Variants in AGL observed in about 807,000 individuals in gnomAD.
AGL encodes glycogen debranching enzyme.
A neutral mutation model predicts 199.3 loss-of-function variants in AGL; 128 were observed. The observed-to-expected ratio is 0.64, with a 90% confidence interval of 0.56 to 0.74. The LOEUF is 0.74. Ranked by LOEUF, AGL falls within the 30% of genes least tolerant of loss-of-function variation. The pLI, the probability that AGL is intolerant of heterozygous loss-of-function variation, is 0.00. For synonymous variants in AGL, 584 were observed against 594.7 expected, an observed-to-expected ratio of 0.98 and a Z score of 0.26; for missense variants, 1,809 against 1,820.8, an observed-to-expected ratio of 0.99 and a Z score of 0.12.
chr1:99,855,672 G>C (rs886327096), intron 2 of AGL, among the ~76,000 whole-genome samples: 3 of 152,022 alleles, frequency 2.0e-5, no homozygotes, highest in African/African-American at 7.2e-5. Flanking sequence ...GTGGTGACAT[G>C]CACCTGTAGT....
chr1:99,912,655 T>C lies in AGL; in HGVS notation c.3949+138T>C, dbSNP rs545391895. 22 of 714,792 alleles carry C rather than the reference T, an allele frequency of 3.1e-5. No homozygotes were observed. In the East Asian group the frequency reaches 5.4e-4, roughly 18 times the overall value. The allele number at this position is 714,792 out of a possible 1,614,324, so 44.3% of individuals were successfully genotyped here. A position where few individuals can be genotyped will look rare whatever the true frequency, so the allele number is the denominator to read the frequency against. Reference sequence around the variant, plus strand: ...GAAGAAAGAAAATTCATTAATTTACTAGTGTGAAAATTGTAACAATTCTAG... The same window carrying C: ...GAAGAAAGAAAATTCATTAATTTACCAGTGTGAAAATTGTAACAATTCTAG... On this transcript the variant is annotated intron_variant, in intron 29 of 33. Transcript: ENST00000361915.
At chr1:99,917,160 C>T (rs1655186021) in intron 33 of AGL, among the ~76,000 whole-genome samples, 1 of 152,122 alleles carries the variant, frequency 6.6e-6, no homozygotes, top group African/African-American at 2.4e-5. Context: ...GTTCAAAAAA[C>T]ATTTTTCACT....
Position 99,891,357 on chromosome 1 carries a change from G to GT in AGL, c.2949+2dup, listed in dbSNP as rs1553188589. 1 of 1,613,448 alleles carries GT rather than the reference G, an allele frequency of 6.2e-7. No individual in the cohort carries two copies. The highest frequency in any genetic ancestry group is 8.5e-7 in the Non-Finnish European group (1 of 1,179,626). ...TTCACGATCAGGAACTATTGCTGAA[G>GT]TAAGTAGAGCTATATTATCGTCCCA... On this transcript the variant is annotated splice_donor_variant, in intron 22 of 33. Coordinates refer to ENST00000361915, the MANE Select transcript of AGL (RefSeq NM_000642.3). LOFTEE classifies it high-confidence loss of function.
In AGL at chr1:99,900,890, G is replaced by GT. The variant is rs35956186; in HGVS notation, c.3588+44dup. The GT allele has an allele frequency of 0.094, 120,235 of 1,278,652 alleles. 355 individuals carry two copies. Among genetic ancestry groups the GT allele is most frequent in the South Asian group, 0.13 (9,469 of 73,688 alleles). The allele number at this position is 1,278,652 out of a possible 1,614,324, so 79.2% of individuals were successfully genotyped here. A position where few individuals can be genotyped will look rare whatever the true frequency, so the allele number is the denominator to read the frequency against. On this transcript the variant is annotated intron_variant, in intron 26 of 33. Transcript: ENST00000361915. ...AAGATATTTCTTAAAATGTTTTTTT[G>GT]TTTTTTTTTTTTTTTCTGAAAAATG...
intron 12 of AGL, among the ~76,000 whole-genome samples, chr1:99,878,434 ATTAT>A (rs1310173640): frequency 1.3e-5 from 2 of 152,072 alleles, no homozygotes; most frequent in African/African-American, 2.4e-5. Context: ...TTTAATTTTT[ATTAT>A]TTATAAAAAT....
intron 7 of AGL, among the ~76,000 whole-genome samples, chr1:99,872,457 A>G (rs1651098767): frequency 6.6e-6 from 1 of 152,216 alleles, no homozygotes; most frequent in Non-Finnish European, 1.5e-5. Flanking sequence ...ACTTAATATT[A>G]TCACTAACAT....
intron 7 of AGL, 28 bp downstream of exon 7, chr1:99,870,897 A>C: frequency 7.4e-7 from 1 of 1,342,676 alleles, no homozygotes; most frequent in African/African-American, 1.5e-5. Context: ...GAATGTTCCT[A>C]TCGATTTTAA....
chr1:99,878,807 G>A (rs1238850801), intron 12 of AGL, among the ~76,000 whole-genome samples: 2 of 152,074 alleles, frequency 1.3e-5, no homozygotes, highest in African/African-American at 4.8e-5. Context: ...TAGTTAAGCT[G>A]GTAGAACATT....
At chr1:99,888,880 A>G (rs1056283913) in intron 21 of AGL, among the ~76,000 whole-genome samples, 2 of 152,148 alleles carry the variant, frequency 1.3e-5, no homozygotes, top group African/African-American at 4.8e-5. Flanking sequence ...ATTGCTTTTT[A>G]CAGTAATTTC....
intron 15 of AGL, 48 bp from the exon 16 acceptor site, chr1:99,881,244 A>AT (rs1291306591): frequency 6.2e-7 from 1 of 1,613,572 alleles, no homozygotes; most frequent in Non-Finnish European, 8.5e-7. Flanking sequence ...ATTAAAAAAA[A>AT]TTCATTGTAA....
intron 21 of AGL, among the ~76,000 whole-genome samples, chr1:99,888,812 T>G (rs183258414): frequency 1.8e-3 from 269 of 152,344 alleles, no homozygotes; most frequent in African/African-American, 6.2e-3. Flanking sequence ...TTTCTCCATC[T>G]AACCTATCTT....
intron 20 of AGL, among the ~76,000 whole-genome samples, chr1:99,885,394 C>G (rs2100771838): frequency 6.6e-6 from 1 of 152,246 alleles, no homozygotes; most frequent in African/African-American, 2.4e-5. Flanking sequence ...AGTAAATGCT[C>G]ATAGTTTGCC....
upstream of AGL, among the ~76,000 whole-genome samples, chr1:99,849,497 C>T (rs938292612): frequency 6.6e-6 from 1 of 152,104 alleles, no homozygotes; most frequent in Non-Finnish European, 1.5e-5. Flanking sequence ...TAATCTCAGA[C>T]GATCTCCGGG....
intron 5 of AGL, among the ~76,000 whole-genome samples, chr1:99,867,141 A>G (rs1198879273): frequency 6.6e-6 from 1 of 152,162 alleles, no homozygotes; most frequent in Non-Finnish European, 1.5e-5. Context: ...AAAAAGTATT[A>G]TCTAGCAGAA....
intron 12 of AGL, among the ~76,000 whole-genome samples, chr1:99,878,524 T>C (rs968161843): frequency 6.6e-6 from 1 of 152,126 alleles, no homozygotes; most frequent in African/African-American, 2.4e-5. Context: ...CCAATACTTA[T>C]AGTATTAACT....
rs368724960 is a variant in AGL, at chr1:99,876,438, A to G, written c.1284-20A>G. ...AGGAGTTTCTTTGTATGGATTTAAT[A>G]TTTAATTATATTTTCATAGGTATTT... On this transcript the variant is annotated intron_variant, in intron 10 of 33. Transcript: ENST00000361915. 1.3e-5 allele frequency: 19 copies of G among 1,511,192 alleles called. No homozygotes were observed. Among genetic ancestry groups the G allele is most frequent in the Admixed American group, 3.7e-5 (2 of 54,404 alleles). The allele number at this position is 1,511,192 out of a possible 1,614,324, so 93.6% of individuals were successfully genotyped here. A position where few individuals can be genotyped will look rare whatever the true frequency, so the allele number is the denominator to read the frequency against.
At chr1:99,883,089 T>A (rs1570448778) in intron 17 of AGL, among the ~76,000 whole-genome samples, 1 of 152,164 alleles carries the variant, frequency 6.6e-6, no homozygotes, top group Non-Finnish European at 1.5e-5. Flanking sequence ...TTGTTAAATG[T>A]TCGTACGTTC....
chr1:99,877,347 TA>T (rs1248094565), intron 11 of AGL, among the ~76,000 whole-genome samples: 1 of 152,180 alleles, frequency 6.6e-6, no homozygotes, highest in Non-Finnish European at 1.5e-5. Flanking sequence ...ACTATGGTTT[TA>T]AAAGGCCTAT....
chr1:99,874,408 T>C (rs149201317), intron 7 of AGL: 87 of 242,386 alleles, frequency 3.6e-4, no homozygotes, highest in African/African-American at 1.8e-3. Context: ...AAGTGGGGGC[T>C]GAGATTGAAT....
Sources: allele counts gnomAD v4.1 joint callset (sites outside exome capture counted in the v4.1 genomes callset), GRCh38; gene constraint gnomAD v4.1.1; transcripts MANE v1.5; gene names NCBI Gene and HGNC (gene_info 2026-07-23, HGNC 2026-07-21).